Variants in GTF2A1 observed in about 807,000 individuals in gnomAD.
GTF2A1 encodes transcription initiation factor IIA subunit 1.
In GTF2A1, 12 loss-of-function variants were observed where a neutral mutation model predicts 54.1. The ratio of observed to expected loss-of-function variants is 0.22; its 90% CI spans 0.14 to 0.36. The LOEUF (loss-of-function observed/expected upper bound fraction) is 0.36. Among genes scored for constraint, GTF2A1 ranks in the 10% least tolerant of loss-of-function variants. GTF2A1 has a pLI of 1.00. For synonymous variants in GTF2A1, 145 were observed against 152.0 expected (o/e 0.95, Z 0.34); for missense variants, 335 against 442.2 (o/e 0.76, Z 2.17).
chr14:81,220,378 G>C (rs1595236532), intron 1 of GTF2A1, 111 bp downstream of exon 1: 3 of 539,296 alleles, frequency 5.6e-6, no homozygotes, highest in Admixed American at 4.7e-5. Flanking sequence ...GCGGCCGCGC[G>C]GGCGGCTGAA....
chr14:81,195,164 A>T (rs1473147508), intron 6 of GTF2A1, among the ~76,000 whole-genome samples: 1 of 151,534 alleles, frequency 6.6e-6, no homozygotes, highest in Non-Finnish European at 1.5e-5. Context: ...AGATGACTAT[A>T]AATCAGCCAG....
In GTF2A1 at chr14:81,196,321, T is replaced by C. The variant is rs1207687312; in HGVS notation, c.479-80A>G. 1.1e-5 allele frequency: 15 copies of C among 1,424,926 alleles called. No individual in the cohort carries two copies. The African/African-American group carries it at 2.0e-4, about 19-fold the overall frequency. 88.3% of individuals were successfully genotyped at this position (1,424,926 alleles called of 1,614,324 possible). ...AGAAATGAATTCATATTTAATTTCA[T>C]ACCACCAAAGGCACAAGAAATTATC... On this transcript the variant is annotated intron_variant, in intron 5 of 8. Transcript: ENST00000553612.
chr14:81,176,690 A>G lies in GTF2A1; in HGVS notation c.*3533T>C, dbSNP rs547095578. 6.6e-6 allele frequency: 1 copy of G among 152,272 alleles called. No individual in the cohort carries two copies. The highest frequency in any genetic ancestry group is 1.9e-4 in the East Asian group (1 of 5,192). 9.4% of individuals were successfully genotyped at this position (152,272 alleles called of 1,614,324 possible). A position where few individuals can be genotyped will look rare whatever the true frequency, so the allele number is the denominator to read the frequency against. On this transcript the variant is annotated 3_prime_UTR_variant, in exon 9 of 9. Transcript: ENST00000553612. ...AAGCTATTTAACAAACTCATGAGGA[A>G]ACAAGTAAAGCAACTATTTTTTAAC...
At chr14:81,207,548 T>C (rs1432116679) in intron 2 of GTF2A1, among the ~76,000 whole-genome samples, 17 of 152,078 alleles carry the variant, frequency 1.1e-4, no homozygotes, top group Admixed American at 1.1e-3. Context: ...GTCAGGGCAT[T>C]GCTGAAAAAA....
At chr14:81,219,952 T>C (rs1200587959) in intron 1 of GTF2A1, among the ~76,000 whole-genome samples, 1 of 151,950 alleles carries the variant, frequency 6.6e-6, no homozygotes, top group African/African-American at 2.4e-5. Context: ...TAAAATGGCC[T>C]CAGAGAAGGT....
chr14:81,190,095 T>A (rs1041235775), intron 7 of GTF2A1, among the ~76,000 whole-genome samples: 25 of 152,210 alleles, frequency 1.6e-4, no homozygotes, highest in Admixed American at 2.6e-4. Flanking sequence ...ATTAACTTCA[T>A]GTTAATCAAC....
intron 8 of GTF2A1, among the ~76,000 whole-genome samples, chr14:81,182,426 A>G (rs563545041): frequency 3.3e-4 from 51 of 152,282 alleles, no homozygotes; most frequent in Admixed American, 3.1e-3. Context: ...CAGAATCCTC[A>G]TCAAAAAATC....
chr14:81,192,324 A>AT (rs1378238616), intron 7 of GTF2A1, among the ~76,000 whole-genome samples, 195 bp downstream of exon 7: 1 of 152,244 alleles, frequency 6.6e-6, no homozygotes, highest in African/African-American at 2.4e-5. Flanking sequence ...TGAAAGTTAT[A>AT]TTTTATGAAG....
chr14:81,201,113 T>C (rs1453869820), intron 4 of GTF2A1, among the ~76,000 whole-genome samples: 3 of 152,204 alleles, frequency 2.0e-5, no homozygotes, highest in Admixed American at 6.5e-5. Flanking sequence ...ATGTATTCTG[T>C]GGTAATTTAC....
At chr14:81,190,182 ACTTGAAG>A (rs1422070475) in intron 7 of GTF2A1, among the ~76,000 whole-genome samples, 3 of 152,054 alleles carry the variant, frequency 2.0e-5, no homozygotes, top group Non-Finnish European at 4.4e-5. Flanking sequence ...GAAACAAAAT[ACTTGAAG>A]GGCATGAGAT....
chr14:81,200,104 G>C (rs1254068689), intron 4 of GTF2A1, among the ~76,000 whole-genome samples: 2 of 152,090 alleles, frequency 1.3e-5, no homozygotes, highest in Admixed American at 1.3e-4. Flanking sequence ...AGTACAAACA[G>C]AGATCCTCGA....
intron 2 of GTF2A1, among the ~76,000 whole-genome samples, chr14:81,207,520 T>A (rs1178400658): frequency 2.6e-5 from 4 of 152,002 alleles, no homozygotes; most frequent in African/African-American, 9.7e-5. Context: ...ACTAATATAG[T>A]AAACTGGTAC....
intron 1 of GTF2A1, among the ~76,000 whole-genome samples, chr14:81,219,106 CTCTT>C (rs1423438764): frequency 1.9e-4 from 29 of 152,118 alleles, no homozygotes; most frequent in Non-Finnish European, 1.5e-5. Flanking sequence ...TGATCTAAAA[CTCTT>C]TGTTTTAAAT....
chr14:81,184,130 C>T (rs1448395271), intron 8 of GTF2A1, among the ~76,000 whole-genome samples: 2 of 152,154 alleles, frequency 1.3e-5, no homozygotes, highest in South Asian at 4.1e-4. Context: ...CCAATTTTAA[C>T]ATTTAAAATA....
intron 1 of GTF2A1, among the ~76,000 whole-genome samples, chr14:81,220,068 TCC>T (rs1211237028): frequency 1.5e-4 from 18 of 118,496 alleles, no homozygotes; most frequent in African/African-American, 5.9e-4. Flanking sequence ...TTCGCCCGAT[TCC>T]CCACACACAG....
intron 7 of GTF2A1, among the ~76,000 whole-genome samples, chr14:81,191,906 G>C (rs1892883866): frequency 6.6e-6 from 1 of 152,096 alleles, no homozygotes; most frequent in African/African-American, 2.4e-5. Flanking sequence ...CTGCATTTTA[G>C]GCTAACGAAG....
At chr14:81,216,548 A>G (rs1186446022) in intron 1 of GTF2A1, 34 bp from the exon 2 acceptor site, 1 of 907,836 alleles carries the variant, frequency 1.1e-6, no homozygotes, top group Non-Finnish European at 1.8e-6. Context: ...TGAAAAAGAC[A>G]GTTTTTCACA....
chr14:81,189,958 C>T (rs1364116840), intron 7 of GTF2A1, among the ~76,000 whole-genome samples: 1 of 151,652 alleles, frequency 6.6e-6, no homozygotes, highest in African/African-American at 2.4e-5. Context: ...AAAGTTTACT[C>T]TTTGAAAACA....
chr14:81,206,162 T>C (rs1243449286), intron 2 of GTF2A1, among the ~76,000 whole-genome samples: 1 of 152,240 alleles, frequency 6.6e-6, no homozygotes, highest in Non-Finnish European at 1.5e-5. Context: ...GAAGCTCCTA[T>C]GATAATGGTA....
Sources: allele counts gnomAD v4.1 joint callset (sites outside exome capture counted in the v4.1 genomes callset), GRCh38; gene constraint gnomAD v4.1.1; transcripts MANE v1.5; gene names NCBI Gene and HGNC (gene_info 2026-07-23, HGNC 2026-07-21).